The following UBAP2 variants were observed in gnomAD, a reference collection of about 807,000 sequenced individuals.
UBAP2 encodes ubiquitin-associated protein 2.
Under a neutral mutation model 139.6 loss-of-function variants are expected in UBAP2, and 75 were observed. The observed-to-expected ratio is 0.54, with a 90% CI of 0.45 to 0.65. The LOEUF (loss-of-function observed/expected upper bound fraction) is 0.65. Ranked by LOEUF, UBAP2 falls within the 30% of genes least tolerant of loss-of-function variation. The pLI, the probability that UBAP2 is intolerant of heterozygous loss-of-function variation, is 0.00. For missense variants in UBAP2, 1,368 were observed against 1,369.6 expected (o/e 1.00, Z 0.02); for synonymous variants, 526 against 526.2 (o/e 1.00, Z 0.01).
chr9:33,926,783 G>C (rs1823470234), intron 21 of UBAP2, 119 bp from the exon 22 acceptor site: 2 of 1,139,334 alleles, frequency 1.8e-6, no homozygotes, highest in Non-Finnish European at 2.7e-6. Context: ...ATGGGATCTG[G>C]ATTAGCTGTT....
chr9:33,943,289 G>T, intron 15 of UBAP2, 131 bp downstream of exon 15: 2 of 857,796 alleles, frequency 2.3e-6, no homozygotes, highest in Non-Finnish European at 3.4e-6. Flanking sequence ...CAGGTATGGG[G>T]TTTCTTATGG....
intron 2 of UBAP2, among the ~76,000 whole-genome samples, chr9:34,008,240 C>T (rs1401579610): frequency 1.3e-5 from 2 of 151,456 alleles, no homozygotes; most frequent in South Asian, 2.1e-4. Context: ...ACTGCTTGAA[C>T]CCAAGAGGCG....
intron 1 of UBAP2, among the ~76,000 whole-genome samples, chr9:34,030,832 A>G (rs566920662): frequency 3.9e-4 from 59 of 152,102 alleles, no homozygotes; most frequent in African/African-American, 1.4e-3. Flanking sequence ...CAGAAGGCTG[A>G]GGCAGGAGAA....
In UBAP2 at chr9:33,953,620, G is replaced by A. The variant is rs1465402443; in HGVS notation, c.867-146C>T. 2.2e-5 allele frequency: 16 copies of A among 730,280 alleles called. No homozygotes were observed. The East Asian group carries it at 3.6e-4, about 17-fold the overall frequency. 45.2% of individuals were successfully genotyped at this position (730,280 alleles called of 1,614,324 possible). ...AAAATGGGGTTTAAGGGGGCAAAAG[G>A]AGGGCATCATCCACACAAAAGAACA... On this transcript the variant is annotated intron_variant, in intron 11 of 28. Coordinates refer to ENST00000379238, the MANE Select transcript of UBAP2 (RefSeq NM_001370062.2).
chr9:34,033,898 G>C (rs2131340146), intron 1 of UBAP2, among the ~76,000 whole-genome samples: 1 of 152,110 alleles, frequency 6.6e-6, no homozygotes, highest in South Asian at 2.1e-4. Context: ...ACCATGCCTG[G>C]CTAATTTTTG....
intron 1 of UBAP2, among the ~76,000 whole-genome samples, chr9:34,029,507 C>A (rs2769711): frequency 1.3e-5 from 2 of 150,114 alleles, no homozygotes; most frequent in African/African-American, 4.9e-5. Context: ...CCAGCCTGGA[C>A]AACAAGAGCA....
intron 4 of UBAP2, among the ~76,000 whole-genome samples, chr9:33,993,148 A>C (rs1821861293): frequency 6.6e-6 from 1 of 152,240 alleles, no homozygotes; most frequent in South Asian, 2.1e-4. Flanking sequence ...ACATAAGAAA[A>C]AATAAATTTA....
In UBAP2 at chr9:33,986,797, G is replaced by GTCCA; in HGVS notation, c.479_482dup (p.Lys162GlyfsTer13). ...CTCGCTTGCCACGATCTGAAGGTTT[G>GTCCA]TCCACTTGATTGCAATCAATTCCAT... On this transcript the variant is annotated frameshift_variant, in exon 6 of 29. Transcript: ENST00000379238. LOFTEE classifies it high-confidence loss of function. The GTCCA allele has an allele frequency of 6.2e-7, 1 of 1,614,032 alleles. No individual in the cohort carries two copies. The highest frequency in any genetic ancestry group is 8.5e-7 in the Non-Finnish European group (1 of 1,179,988).
intron 1 of UBAP2, among the ~76,000 whole-genome samples, chr9:34,021,547 A>C (rs905076591): frequency 1.1e-4 from 16 of 152,226 alleles, no homozygotes; most frequent in Non-Finnish European, 2.2e-4. Context: ...AGATATGAAT[A>C]AATGCATACG....
chr9:34,014,836 A>C (rs1235574880), intron 2 of UBAP2, among the ~76,000 whole-genome samples: 1 of 152,094 alleles, frequency 6.6e-6, no homozygotes, highest in Non-Finnish European at 1.5e-5. Flanking sequence ...TCAACTATAA[A>C]AGGAGGACCT....
chr9:34,041,605 G>A (rs778437596), intron 1 of UBAP2, among the ~76,000 whole-genome samples: 9 of 152,158 alleles, frequency 5.9e-5, no homozygotes, highest in Non-Finnish European at 1.0e-4. Flanking sequence ...GCCGAGGCAG[G>A]AGAATTGCTT....
At position 33,922,579 on chromosome 9, in the gene UBAP2, G is replaced by T; in HGVS notation, c.3285C>A (p.Ser1095Arg). 6.2e-7 allele frequency: 1 copy of T among 1,613,540 alleles called. No homozygotes were observed. ...QDAQSGSGQRSQPSSLQPKSQ... is the reference protein window; with the variant it reads ...QDAQSGSGQRRQPSSLQPKSQ... The stretch of plus-strand genomic sequence containing the variant: ...ACTTGGGCTGCAGGGAGCTGGGCTG[G>T]CTGCGCTGACCCGAGCCACTCTGAG... The change falls in exon 29 of 29, where the codon AGC (serine) becomes AGA (arginine). Residue 1095 changes from serine to arginine, a missense_variant. Physicochemically the swap from Ser to Arg is moderately radical, Grantham distance 110 (BLOSUM62 -1). Transcript: ENST00000379238.
chr9:33,922,522 A>C lies in UBAP2; in HGVS notation c.3342T>G (p.Ser1114=). Residue 1114 remains serine, a synonymous_variant, in exon 29 of 29, where the codon TCT becomes TCG. Transcript: ENST00000379238. ...SQASKPAYGN[S]PYWTN ...TCTGGGTTTAGTTTGTCCAGTATGG[A>C]GAGTTGCCGTAGGCAGGTTTGGAGG... 1 of 1,613,762 alleles carries C rather than the reference A, an allele frequency of 6.2e-7. No homozygotes were observed. Among genetic ancestry groups the C allele is most frequent in the Non-Finnish European group, 8.5e-7 (1 of 1,179,946 alleles).
intron 2 of UBAP2, among the ~76,000 whole-genome samples, chr9:34,009,806 C>CTTT (rs201452836): frequency 4.6e-5 from 6 of 129,810 alleles, no homozygotes; most frequent in South Asian, 2.5e-4. Flanking sequence ...CTTATATTTC[C>CTTT]TTTTTTTTTT....
At position 33,988,987 on chromosome 9, in the gene UBAP2, T is replaced by C. The variant is rs147071088; in HGVS notation, c.428A>G (p.Asn143Ser). Residue 143 changes from asparagine (N) to serine (S), a missense_variant, in exon 5 of 29, where the codon AAT (asparagine) becomes AGT (serine). Transcript: ENST00000379238. ...TCTGTACTTACATTCTCTGCCACGA[T>C]TGCCGCCTCTTCCTTTCCGGTTGTT... ...GNNNRKGRGG[N>S]RGREFRGEEN... 2.7e-4 allele frequency: 439 copies of C among 1,613,160 alleles called. 1 individual carries two copies. The highest frequency in any genetic ancestry group is 7.1e-5 in the Non-Finnish European group (84 of 1,179,740).
intron 15 of UBAP2, among the ~76,000 whole-genome samples, chr9:33,943,125 T>C (rs1825377399): frequency 6.6e-6 from 1 of 152,218 alleles, no homozygotes. Flanking sequence ...TAAACATGGG[T>C]GTACCTCGAA....
chr9:33,997,296 T>C (rs1587633567), intron 3 of UBAP2: 2 of 152,218 alleles, frequency 1.3e-5, no homozygotes, highest in African/African-American at 4.8e-5. Flanking sequence ...GTTTCTCAAG[T>C]ATCAGTGAAT....
chr9:34,048,496 G>A (rs1827819122), intron 1 of UBAP2, among the ~76,000 whole-genome samples: 1 of 152,174 alleles, frequency 6.6e-6, no homozygotes, highest in African/African-American at 2.4e-5. Flanking sequence ...GCACCGAGGT[G>A]GGAGAGAAAA....
chr9:34,000,784 C>T (rs939121353), intron 2 of UBAP2, among the ~76,000 whole-genome samples: 1 of 152,170 alleles, frequency 6.6e-6, no homozygotes, highest in African/African-American at 2.4e-5. Flanking sequence ...TTCAAAAGGC[C>T]TTTCCAGGCC....
Sources: allele counts gnomAD v4.1 joint callset (sites outside exome capture counted in the v4.1 genomes callset), GRCh38; gene constraint gnomAD v4.1.1; transcripts MANE v1.5; gene names NCBI Gene and HGNC (gene_info 2026-07-23, HGNC 2026-07-21).